The following PTPRB variants were observed in gnomAD, a reference collection of about 807,000 sequenced individuals.
PTPRB encodes the protein protein tyrosine phosphatase receptor type B.
Under a neutral mutation model 238.1 loss-of-function variants are expected in PTPRB, and 97 were observed. The ratio of observed to expected loss-of-function variants is 0.41; its 90% CI spans 0.35 to 0.48. The LOEUF (loss-of-function observed/expected upper bound fraction) is 0.48, where lower values mean the gene tolerates loss of function less well. Ranked by LOEUF, PTPRB falls within the 20% of genes least tolerant of loss-of-function variation. The pLI is 0.30. For missense variants in PTPRB, 2,292 were observed against 2,681.9 expected (o/e 0.85, Z 3.21); for synonymous variants, 970 against 995.4 (o/e 0.97, Z 0.48).
At chr12:70,624,440 G>A (rs1329886993) in intron 2 of PTPRB, among the ~76,000 whole-genome samples, 1 of 152,048 alleles carries the variant, frequency 6.6e-6, no homozygotes, top group Non-Finnish European at 1.5e-5. Context: ...GCCCAGGTTA[G>A]CCACTCCGGA....
intron 32 of PTPRB, among the ~76,000 whole-genome samples, chr12:70,528,719 G>A (rs957544017): frequency 2.6e-5 from 4 of 152,150 alleles, no homozygotes; most frequent in African/African-American, 7.2e-5. Flanking sequence ...CAGGTGTGGT[G>A]GTGCACATCT....
chr12:70,556,047 C>G lies in PTPRB; in HGVS notation c.4816G>C (p.Glu1606Gln), dbSNP rs1877620907. ...TCTTGGGTGTCCATTTTCCGGCATT[C>G]AATACTATAACCATCAAAGTCAGAA... ...PDSDFDGYSI[E>Q]CRKMDTQEVE... Residue 1606 changes from glutamate to glutamine, a missense_variant, in exon 19 of 34, where the codon GAA (glutamate) becomes CAA (glutamine). Physicochemically the swap from Glu to Gln is conservative, Grantham distance 29. Transcript: ENST00000334414. 1 of 1,613,766 alleles carries G rather than the reference C, an allele frequency of 6.2e-7. No individual in the cohort carries two copies. Among genetic ancestry groups the G allele is most frequent in the Non-Finnish European group, 8.5e-7 (1 of 1,179,866 alleles).
intron 18 of PTPRB, 122 bp from the exon 19 acceptor site, chr12:70,556,270 G>C: frequency 1.1e-6 from 1 of 888,550 alleles, no homozygotes; most frequent in African/African-American, 1.7e-5. Flanking sequence ...CAAATACAGA[G>C]TGTCGTGGCT....
chr12:70,626,454 G>A (rs888006284), intron 2 of PTPRB, among the ~76,000 whole-genome samples: 12 of 149,494 alleles, frequency 8.0e-5, no homozygotes, highest in African/African-American at 1.5e-4. Flanking sequence ...TTGTATCTGC[G>A]GGTTCCTCAT....
Position 70,622,483 on chromosome 12 carries a change from G to C in PTPRB, c.615C>G (p.Ser205Arg). The C allele has an allele frequency of 6.2e-7, 1 of 1,613,430 alleles. No individual in the cohort carries two copies. ...NAAENYSQNSSERQHPNLHMT... is the reference protein window; with the variant it reads ...NAAENYSQNSRERQHPNLHMT... ...TGTGCAGATTGGGATGCTGCCTCTCGCTGCTGTTTTGGCTGTAGTTTTCTG... is the reference window on the plus strand; with the variant it reads ...TGTGCAGATTGGGATGCTGCCTCTCCCTGCTGTTTTGGCTGTAGTTTTCTG... Residue 205 changes from serine (S) to arginine (R), a missense_variant, in exon 3 of 34, where the codon AGC becomes AGG. Ser to Arg is a moderately radical substitution (Grantham distance 110). This residue lies in a region of PTPRB where 1,205 missense variants were observed against 1,287.8 expected (regional missense o/e 0.94). Transcript: ENST00000334414.
chr12:70,547,108 C>A (rs1876099010), intron 21 of PTPRB, among the ~76,000 whole-genome samples: 1 of 151,812 alleles, frequency 6.6e-6, no homozygotes, highest in Non-Finnish European at 1.5e-5. Flanking sequence ...TAGGCCAGGG[C>A]AAATTGTTCT....
intron 3 of PTPRB, among the ~76,000 whole-genome samples, chr12:70,617,047 C>G (rs562794529): frequency 6.6e-6 from 1 of 152,120 alleles, no homozygotes; most frequent in African/African-American, 2.4e-5. Flanking sequence ...AAGAAAGTCC[C>G]GTATAAATGG....
chr12:70,562,790 T>C lies in PTPRB; in HGVS notation c.4168+54A>G, dbSNP rs529745594. On this transcript the variant is annotated intron_variant, in intron 16 of 33. Coordinates refer to ENST00000334414, the MANE Select transcript of PTPRB (RefSeq NM_001109754.4). ...TAAGGACCAACCAAGGAAAAGCCAG[T>C]GAATACCGGGACAATTCCCCCACGA... is the stretch of plus-strand genomic sequence containing the variant. 2.5e-5 allele frequency: 39 copies of C among 1,578,142 alleles called. 1 individual carries two copies. In the South Asian group the frequency reaches 4.4e-4, roughly 18 times the overall value.
At chr12:70,637,285 A>G in intron 1 of PTPRB, 56 bp downstream of exon 1, 1 of 1,483,722 alleles carries the variant, frequency 6.7e-7, no homozygotes, top group Non-Finnish European at 9.3e-7. Context: ...AAGACCAGGG[A>G]CTCCTTGGCT....
Position 70,560,709 on chromosome 12 carries a change from C to T in PTPRB, c.4394G>A (p.Gly1465Glu), listed in dbSNP as rs754508934. The T allele has an allele frequency of 1.2e-6, 2 of 1,610,796 alleles. No individual in the cohort carries two copies. Among genetic ancestry groups the T allele is most frequent in the South Asian group, 1.1e-5 (1 of 90,862 alleles). The change falls in exon 17 of 34, where the codon GGA (glycine) becomes GAA (glutamate). Residue 1465 changes from glycine (G) to glutamate (E), a missense_variant. This residue lies in a region of PTPRB where 683 missense variants were observed against 862.0 expected (regional missense o/e 0.79). Transcript: ENST00000334414. The surrounding 1 kb of genome is among the most constrained non-coding windows in gnomAD (Gnocchi z 4.2). Reference protein sequence around the residue: ...KYVLWVVTHSGDLSNKVTAES... With the variant: ...KYVLWVVTHSEDLSNKVTAES... ...CGCTGTGACTTTATTGCTGAGATCT[C>T]CACTGTGAGTTACCACCCACAGCAC...
chr12:70,541,715 CTG>C (rs1935590214), intron 22 of PTPRB: 1 of 152,230 alleles, frequency 6.6e-6, no homozygotes, highest in Non-Finnish European at 1.5e-5. Context: ...AATCATAAAT[CTG>C]TGATCTTTTG....
intron 22 of PTPRB, 68 bp from the exon 23 acceptor site, chr12:70,541,025 G>A: frequency 8.1e-7 from 1 of 1,236,706 alleles, no homozygotes; most frequent in African/African-American, 1.5e-5. Flanking sequence ...CAGTAAGAAA[G>A]CTATTGAAGC....
Position 70,569,773 on chromosome 12 carries a change from T to C in PTPRB, c.3536A>G (p.His1179Arg). 6.2e-7 allele frequency: 1 copy of C among 1,613,912 alleles called. No individual in the cohort carries two copies. Among genetic ancestry groups the C allele is most frequent in the South Asian group, 1.1e-5 (1 of 91,072 alleles). ...CCCGGCCTCCAGTCTGTGGAACGTG[T>C]GCTCAAAGACGTGCTTGGGAATAGT... is the stretch of plus-strand genomic sequence containing the variant. ...SQTIPKHVFE[H>R]TFHRLEAGEQ... Residue 1179 changes from histidine (H) to arginine (R), a missense_variant, in exon 14 of 34, where the codon CAC (histidine) becomes CGC (arginine). Physicochemically the swap from His to Arg is conservative, Grantham distance 29. This residue lies in a region of PTPRB where 683 missense variants were observed against 862.0 expected (regional missense o/e 0.79). Coordinates refer to ENST00000334414, the MANE Select transcript of PTPRB (RefSeq NM_001109754.4).
intron 4 of PTPRB, among the ~76,000 whole-genome samples, chr12:70,603,037 GTT>G (rs139473020): frequency 2.2e-4 from 32 of 148,208 alleles, no homozygotes; most frequent in African/African-American, 6.7e-4. Context: ...GTTTTCCTTT[GTT>G]TTTTTTTTGT....
Position 70,518,985 on chromosome 12 carries a change from A to C in PTPRB, c.*2504T>G, listed in dbSNP as rs1871400226. ...AATCCAATAGAGCTGAATGTCAAGG[A>C]AAACTTTTTTTTTCTCCTAAATTTA... On this transcript the variant is annotated 3_prime_UTR_variant, in exon 34 of 34. Coordinates refer to ENST00000334414, the MANE Select transcript of PTPRB (RefSeq NM_001109754.4). The C allele has an allele frequency of 6.6e-6, 1 of 152,126 alleles. No homozygotes were observed. Among genetic ancestry groups the C allele is most frequent in the South Asian group, 2.1e-4 (1 of 4,816 alleles). The allele number at this position is 152,126 out of a possible 1,614,324, so 9.4% of individuals were successfully genotyped here. A position where few individuals can be genotyped will look rare whatever the true frequency, so the allele number is the denominator to read the frequency against.
At chr12:70,634,130 CT>C (rs1885579413) in intron 2 of PTPRB, among the ~76,000 whole-genome samples, 1 of 152,094 alleles carries the variant, frequency 6.6e-6, no homozygotes. Flanking sequence ...AAGCATACCA[CT>C]TATTGTAGAA....
intron 4 of PTPRB, among the ~76,000 whole-genome samples, chr12:70,604,356 C>T (rs547240296): frequency 6.6e-6 from 1 of 152,274 alleles, no homozygotes; most frequent in South Asian, 2.1e-4. Flanking sequence ...TTTGATCATG[C>T]ATTAAGAAGA....
chr12:70,559,693 T>C, intron 17 of PTPRB, 69 bp from the exon 18 acceptor site: 1 of 1,405,926 alleles, frequency 7.1e-7, no homozygotes, highest in South Asian at 1.3e-5. Flanking sequence ...ATAAGATAGC[T>C]GAGCAACATC....
At chr12:70,575,542 C>T (rs957256791) in intron 11 of PTPRB, among the ~76,000 whole-genome samples, 1 of 152,138 alleles carries the variant, frequency 6.6e-6, no homozygotes, top group Non-Finnish European at 1.5e-5. Context: ...ATTCCTTTGC[C>T]AAGTATTTAC....
Sources: allele counts gnomAD v4.1 joint callset (sites outside exome capture counted in the v4.1 genomes callset), GRCh38; gene constraint gnomAD v4.1.1; regional missense constraint gnomAD v4.1.1; non-coding constraint Gnocchi (gnomAD v3.1); transcripts MANE v1.5; gene names NCBI Gene and HGNC (gene_info 2026-07-23, HGNC 2026-07-21).